Variants in TIMD4 observed in about 807,000 individuals in gnomAD.
The protein encoded by TIMD4 is T cell immunoglobulin and mucin domain containing 4.
Under a neutral mutation model 41.2 loss-of-function variants are expected in TIMD4, and 31 were observed. The observed-to-expected ratio is 0.75, with a 90% confidence interval of 0.57 to 1.01. The LOEUF is 1.01. Ranked by LOEUF, TIMD4 falls within the 50% of genes least tolerant of loss-of-function variation. TIMD4 has a pLI of 0.00. For missense variants in TIMD4, 479 were observed against 472.5 expected (o/e 1.01, Z -0.13); for synonymous variants, 204 against 177.1 (o/e 1.15, Z -1.21).
chr5:156,933,508 C>T (rs902438355), intron 5 of TIMD4, among the ~76,000 whole-genome samples: 6 of 138,272 alleles, frequency 4.3e-5, no homozygotes, highest in African/African-American at 1.6e-4. Context: ...CAAACTGTAA[C>T]AGTGATAATC....
At chr5:156,960,433 G>C (rs1241223396) in intron 1 of TIMD4, among the ~76,000 whole-genome samples, 2 of 134,670 alleles carry the variant, frequency 1.5e-5, no homozygotes, top group South Asian at 4.8e-4. Context: ...TTCAGAAAGA[G>C]TCTCACTCTG....
intron 5 of TIMD4, among the ~76,000 whole-genome samples, chr5:156,928,463 G>A (rs951171978): frequency 3.9e-5 from 6 of 152,084 alleles, no homozygotes; most frequent in Non-Finnish European, 8.8e-5. Flanking sequence ...AGAAGCCGGG[G>A]CAAGGAAGAA....
chr5:156,930,649 A>G (rs1225854583), intron 5 of TIMD4, among the ~76,000 whole-genome samples: 4 of 152,246 alleles, frequency 2.6e-5, no homozygotes, highest in Non-Finnish European at 5.9e-5. Flanking sequence ...ACATTTATTT[A>G]TACCTTATCT....
chr5:156,955,757 A>G (rs1759959607), intron 1 of TIMD4, among the ~76,000 whole-genome samples: 1 of 152,168 alleles, frequency 6.6e-6, no homozygotes, highest in Non-Finnish European at 1.5e-5. Flanking sequence ...CTTTCAGTGG[A>G]AATTACTAGA....
chr5:156,929,170 C>A (rs1469574025), intron 5 of TIMD4, among the ~76,000 whole-genome samples: 3 of 152,064 alleles, frequency 2.0e-5, no homozygotes, highest in Admixed American at 6.5e-5. Flanking sequence ...TGAAAAGTAG[C>A]CATGCCAGTG....
intron 5 of TIMD4, among the ~76,000 whole-genome samples, chr5:156,927,723 AG>A (rs1759373467): frequency 6.6e-6 from 1 of 152,142 alleles, no homozygotes; most frequent in Non-Finnish European, 1.5e-5. Context: ...AAGAGAGAAA[AG>A]TCTTTGATAC....
intron 4 of TIMD4, among the ~76,000 whole-genome samples, chr5:156,948,928 G>T (rs904095682): frequency 6.6e-6 from 1 of 152,156 alleles, no homozygotes; most frequent in African/African-American, 2.4e-5. Flanking sequence ...CTCCATTATG[G>T]TAACACCTCC....
In TIMD4 at chr5:156,949,683, G is replaced by A. The variant is rs1245237538; in HGVS notation, c.728C>T (p.Thr243Ile). ...PSDSWSSVES[T>I]SADTVLLTSK... ...TGTCAGCAGGACAGTGTCAGCAGAA[G>A]TAGACTCAACACTACTCCAGGAATC... The change falls in exon 4 of 9, where the codon ACT (threonine) becomes ATT (isoleucine). Residue 243 changes from threonine (T) to isoleucine (I), a missense_variant. Transcript: ENST00000274532. 2 of 1,613,610 alleles carry A rather than the reference G, an allele frequency of 1.2e-6. No homozygotes were observed. The highest frequency in any genetic ancestry group is 1.1e-5 in the South Asian group (1 of 91,064).
At chr5:156,919,762 T>C (rs1170148151) in intron 8 of TIMD4, among the ~76,000 whole-genome samples, 2 of 152,136 alleles carry the variant, frequency 1.3e-5, no homozygotes, top group Non-Finnish European at 2.9e-5. Context: ...CTTAGCAAAA[T>C]ATAAAATCAT....
intron 1 of TIMD4, among the ~76,000 whole-genome samples, chr5:156,957,913 A>G (rs1042399054): frequency 2.0e-5 from 3 of 152,220 alleles, no homozygotes; most frequent in Non-Finnish European, 4.4e-5. Context: ...GAAGTATTCC[A>G]CTGGAGAGTC....
intron 5 of TIMD4, among the ~76,000 whole-genome samples, chr5:156,938,860 T>C (rs990036719): frequency 6.6e-6 from 1 of 152,190 alleles, no homozygotes; most frequent in African/African-American, 2.4e-5. Context: ...CATTCCAGAA[T>C]TTCCTAATCT....
At chr5:156,925,267 A>G (rs10070459) in intron 6 of TIMD4, among the ~76,000 whole-genome samples, 47,125 of 152,196 alleles carry the variant, frequency 0.31, 7,856 homozygotes, top group African/African-American at 0.43. Flanking sequence ...TCAAGATTGC[A>G]CCACTGCACT....
chr5:156,932,751 A>T (rs752095909), intron 5 of TIMD4, among the ~76,000 whole-genome samples: 1 of 152,242 alleles, frequency 6.6e-6, no homozygotes, highest in Non-Finnish European at 1.5e-5. Context: ...TCACGCCTGT[A>T]ATCCCAGCAC....
At chr5:156,930,692 A>C (rs553349582) in intron 5 of TIMD4, among the ~76,000 whole-genome samples, 48 of 152,350 alleles carry the variant, frequency 3.2e-4, no homozygotes, top group African/African-American at 1.2e-3. Context: ...ATATTTCATA[A>C]TGTACTGAAC....
intron 6 of TIMD4, chr5:156,924,227 GT>G: frequency 2.4e-6 from 1 of 412,228 alleles, no homozygotes; most frequent in Non-Finnish European, 4.7e-6. Flanking sequence ...TCCCATGAAG[GT>G]TTATGAGTTT....
Position 156,954,497 on chromosome 5 carries a change from G to A in TIMD4, c.318C>T (p.Asp106=), listed in dbSNP as rs1759929422. The A allele has an allele frequency of 6.2e-7, 1 of 1,614,114 alleles. No individual in the cohort carries two copies. The highest frequency in any genetic ancestry group is 1.3e-5 in the African/African-American group (1 of 74,942). The part of the protein sequence containing the change: ...SLTILNPSES[D]SGVYCCRIEV... ...CTATGCGGCAGCAGTACACACCGCT[G>A]TCACTTTCACTGGGGTTTAAGATGG... is the stretch of plus-strand genomic sequence containing the variant. Residue 106 remains aspartate (D), a synonymous_variant, in exon 2 of 9, where the codon GAC becomes GAT. Coordinates refer to ENST00000274532, the MANE Select transcript of TIMD4 (RefSeq NM_138379.3).
chr5:156,961,841 G>GA (rs58076212), intron 1 of TIMD4, among the ~76,000 whole-genome samples: 38 of 79,566 alleles, frequency 4.8e-4, no homozygotes, highest in East Asian at 2.7e-3. Flanking sequence ...AAAAAAGAAA[G>GA]AAAAAAAAAA....
intron 5 of TIMD4, among the ~76,000 whole-genome samples, chr5:156,927,084 G>A (rs182765889): frequency 6.6e-4 from 100 of 152,320 alleles, no homozygotes; most frequent in African/African-American, 2.2e-3. Flanking sequence ...ACAGGCCAAA[G>A]GTAGTGATGG....
intron 5 of TIMD4, among the ~76,000 whole-genome samples, chr5:156,926,726 C>T (rs1313440004): frequency 6.6e-6 from 1 of 152,136 alleles, no homozygotes; most frequent in Admixed American, 6.5e-5. Flanking sequence ...GAATTTACAA[C>T]TTAGTGCAGA....
Sources: allele counts gnomAD v4.1 joint callset (sites outside exome capture counted in the v4.1 genomes callset), GRCh38; gene constraint gnomAD v4.1.1; transcripts MANE v1.5; gene names NCBI Gene and HGNC (gene_info 2026-07-23, HGNC 2026-07-21).